MAPK8: variants seen among roughly 807,000 people sequenced by gnomAD.
MAPK8 encodes the protein JUN N-terminal kinase.
Under a neutral mutation model 52.9 loss-of-function variants are expected in MAPK8, and 13 were observed. That is an observed-to-expected ratio of 0.25 (90% CI 0.16 to 0.39). MAPK8 has a LOEUF of 0.39. Ranked by LOEUF, MAPK8 falls within the 10% of genes least tolerant of loss-of-function variation. The pLI is 1.00. For missense variants in MAPK8, 300 were observed against 519.2 expected, an observed-to-expected ratio of 0.58 and a Z score of 4.10; for synonymous variants, 191 against 169.8, an observed-to-expected ratio of 1.12 and a Z score of -0.97.
chr10:48,406,260 C>T (rs1038544174), intron 3 of MAPK8, among the ~76,000 whole-genome samples: 13 of 152,188 alleles, frequency 8.5e-5, no homozygotes, highest in East Asian at 7.7e-4. Flanking sequence ...TTGTTCCAAG[C>T]GGGAACTTGA....
intron 1 of MAPK8, among the ~76,000 whole-genome samples, chr10:48,315,030 G>C (rs1030207632): frequency 1.3e-5 from 2 of 151,994 alleles, no homozygotes; most frequent in African/African-American, 4.8e-5. Context: ...TGTTTCCATT[G>C]ACCCATCTGC....
At chr10:48,420,038 G>T in intron 5 of MAPK8, 117 bp from the exon 6 acceptor site, 1 of 734,956 alleles carries the variant, frequency 1.4e-6, no homozygotes. Context: ...TAATATTACA[G>T]TGAGAAAAAC....
At chr10:48,321,043 C>G (rs147304198) in intron 1 of MAPK8, among the ~76,000 whole-genome samples, 2 of 149,558 alleles carry the variant, frequency 1.3e-5, no homozygotes, top group Non-Finnish European at 3.0e-5. Flanking sequence ...AGATTCTTTG[C>G]CTATTTTAAA....
chr10:48,327,560 C>G (rs1005766310), intron 1 of MAPK8, among the ~76,000 whole-genome samples: 4 of 152,114 alleles, frequency 2.6e-5, no homozygotes, highest in African/African-American at 4.8e-5. Flanking sequence ...CTTACCATCT[C>G]TTTGTTTTAT....
chr10:48,386,611 GTTAT>G lies in MAPK8; in HGVS notation c.-49-15000_-49-14997del, dbSNP rs201208096. On this transcript the variant is annotated intron_variant, in intron 1 of 11. Transcript: ENST00000374189. ...ATCTTGGATACCAGCTCACTGAAGT[GTTAT>G]GGTAATATCATACCCATATCATTTC... Among the ~76,000 whole-genome samples, 1,207 of 152,246 alleles carry G rather than the reference GTTAT, an allele frequency of 7.9e-3. 13 individuals are homozygous for G. The highest frequency in any genetic ancestry group is 0.028 in the African/African-American group (1,157 of 41,520).
intron 1 of MAPK8, among the ~76,000 whole-genome samples, chr10:48,329,733 A>G (rs1279369400): frequency 6.6e-6 from 1 of 152,170 alleles, no homozygotes; most frequent in Non-Finnish European, 1.5e-5. Context: ...AGATTCTTAG[A>G]TCACAATTCT....
chr10:48,431,219 T>C lies in MAPK8; in HGVS notation c.1087T>C (p.Leu363=), dbSNP rs765925330. The C allele has an allele frequency of 6.2e-7, 1 of 1,611,804 alleles. No individual in the cohort carries two copies. The highest frequency in any genetic ancestry group is 1.7e-5 in the Admixed American group (1 of 60,006). ...KELIYKEVMD[L]EERTKNGVIR... is the part of the protein sequence containing the mutation. ...ATTGATATATAAGGAAGTTATGGAC[T>C]TGGAGGAGAGAACCAAGAATGGAGT... The change falls in exon 11 of 12, where the codon TTG becomes CTG. Residue 363 remains leucine (L), a synonymous_variant. Transcript: ENST00000374189.
At chr10:48,424,624 T>C (rs2043562702) in intron 7 of MAPK8, 5 of 1,379,364 alleles carry the variant, frequency 3.6e-6, no homozygotes, top group Non-Finnish European at 5.0e-6. Context: ...TTTCTAAAGG[T>C]CAAAATGTAT....
intron 1 of MAPK8, among the ~76,000 whole-genome samples, chr10:48,377,997 G>A (rs1397938732): frequency 6.6e-6 from 1 of 152,158 alleles, no homozygotes; most frequent in African/African-American, 2.4e-5. Context: ...TACCTCAAGG[G>A]AGAATGAGGC....
chr10:48,424,931 G>A (rs2043584121), intron 7 of MAPK8, among the ~76,000 whole-genome samples: 1 of 151,838 alleles, frequency 6.6e-6, no homozygotes, highest in South Asian at 2.1e-4. Context: ...TGTTGCTTCT[G>A]GCCATCCTTT....
intron 1 of MAPK8, among the ~76,000 whole-genome samples, chr10:48,347,640 A>G (rs1468416921): frequency 6.6e-6 from 1 of 152,190 alleles, no homozygotes; most frequent in Non-Finnish European, 1.5e-5. Flanking sequence ...GAGTGAGAAC[A>G]TGTGGTGGTT....
Position 48,377,796 on chromosome 10 carries a change from TAAATA to T in MAPK8, c.-49-23812_-49-23808del, listed in dbSNP as rs200300339. On this transcript the variant is annotated intron_variant, in intron 1 of 11. Transcript: ENST00000374189. ...TAAATAAACTAAATTGTTTGAAAAA[TAAATA>T]AAAGATGAATAGGGAGGGAGTGACT... Among the ~76,000 whole-genome samples the T allele has an allele frequency of 3.9e-3, 597 of 152,182 alleles. 2 individuals are homozygous for T. Among genetic ancestry groups the T allele is most frequent in the African/African-American group, 0.013 (557 of 41,528 alleles).
chr10:48,373,593 A>C (rs1485413169), intron 1 of MAPK8, among the ~76,000 whole-genome samples: 1 of 147,812 alleles, frequency 6.8e-6, no homozygotes, highest in East Asian at 1.9e-4. Context: ...AAAAAAAAAA[A>C]AAAAAGCCAG....
intron 11 of MAPK8, among the ~76,000 whole-genome samples, chr10:48,434,408 A>T (rs2044659141): frequency 6.6e-6 from 1 of 152,134 alleles, no homozygotes; most frequent in Non-Finnish European, 1.5e-5. Flanking sequence ...TCAAATTTGA[A>T]TCATTTGAAT....
intron 1 of MAPK8, among the ~76,000 whole-genome samples, chr10:48,308,950 A>G (rs180997202): frequency 8.5e-5 from 13 of 152,334 alleles, no homozygotes; most frequent in Admixed American, 8.5e-4. Context: ...GAGTTAACTA[A>G]TGAGTTTCTT....
At chr10:48,313,791 T>G (rs888117364) in intron 1 of MAPK8, among the ~76,000 whole-genome samples, 3 of 152,170 alleles carry the variant, frequency 2.0e-5, no homozygotes, top group Admixed American at 6.5e-5. Context: ...GTCTCACTCT[T>G]GTTGCCCAGG....
Position 48,426,177 on chromosome 10 carries a change from G to C in MAPK8, c.871+107G>C, listed in dbSNP as rs570673017. 5.5e-6 allele frequency: 6 copies of C among 1,092,712 alleles called. No individual in the cohort carries two copies. In the African/African-American group the frequency reaches 9.7e-5, roughly 18 times the overall value. The allele number at this position is 1,092,712 out of a possible 1,614,324, so 67.7% of individuals were successfully genotyped here. On this transcript the variant is annotated intron_variant, in intron 8 of 11. Coordinates refer to ENST00000374189, the MANE Select transcript of MAPK8 (RefSeq NM_001323329.2). ...ATATTCTTATGGGACATGAACCCAA[G>C]GTTTTCTCTGGATGGTGGGGAAAAA... is the stretch of plus-strand genomic sequence containing the variant.
At chr10:48,397,578 G>C (rs991031620) in intron 1 of MAPK8, among the ~76,000 whole-genome samples, 9 of 151,990 alleles carry the variant, frequency 5.9e-5, no homozygotes, top group African/African-American at 1.9e-4. Context: ...TGAGGTGATG[G>C]AATAGTTCAG....
At chr10:48,415,137 TTAAA>T (rs2042994856) in intron 5 of MAPK8, among the ~76,000 whole-genome samples, 1 of 152,142 alleles carries the variant, frequency 6.6e-6, no homozygotes, top group African/African-American at 2.4e-5. Flanking sequence ...AATGCAATCT[TTAAA>T]TAACATAATA....
Sources: gnomAD v4.1 joint callset for allele counts (sites outside exome capture counted in the v4.1 genomes callset) on GRCh38, gnomAD v4.1.1 for gene constraint, MANE v1.5 for transcripts, NCBI Gene and HGNC (gene_info 2026-07-23, HGNC 2026-07-21) for gene names.